The following NRCAM variants were observed in gnomAD, a reference collection of about 807,000 sequenced individuals.
The protein encoded by NRCAM is NgCAM-related cell adhesion molecule.
In NRCAM, 83 loss-of-function variants were observed where a neutral mutation model predicts 156.5. That is an observed-to-expected ratio of 0.53 (90% CI 0.44 to 0.64). The LOEUF is 0.64. Among genes scored for constraint, NRCAM ranks in the 30% least tolerant of loss-of-function variants. NRCAM has a pLI of 0.00. For missense variants in NRCAM, 1,417 were observed against 1,597.3 expected, an observed-to-expected ratio of 0.89 and a Z score of 1.92; for synonymous variants, 538 against 563.9, an observed-to-expected ratio of 0.95 and a Z score of 0.65.
At chr7:108,398,857 GCTT>G (rs2154391464) in intron 2 of NRCAM, among the ~76,000 whole-genome samples, 1 of 152,302 alleles carries the variant, frequency 6.6e-6, no homozygotes, top group South Asian at 2.1e-4. Flanking sequence ...TATCACCTTT[GCTT>G]CTTGAGAGCC....
At chr7:108,171,762 T>TA (rs1307337645) in intron 28 of NRCAM, among the ~76,000 whole-genome samples, 3 of 152,210 alleles carry the variant, frequency 2.0e-5, no homozygotes, top group Non-Finnish European at 2.9e-5. Context: ...GGGTTTGTCT[T>TA]ACTGTCTTTA....
Position 108,224,520 on chromosome 7 carries a change from C to A in NRCAM, c.779-684G>T, listed in dbSNP as rs563823787. Among the ~76,000 whole-genome samples, 70 of 152,190 alleles carry A rather than the reference C, an allele frequency of 4.6e-4. 1 individual carries two copies. In the South Asian group the frequency reaches 7.9e-3, roughly 17 times the overall value. ...TAGGGATAGTTACACAGGCCATCTT[C>A]TTTTTTATGGAGGCCTTTCCAAAAC... On this transcript the variant is annotated intron_variant, in intron 10 of 32. Coordinates refer to ENST00000379028, the MANE Select transcript of NRCAM (RefSeq NM_001037132.4).
chr7:108,194,754 A>C (rs933607214), intron 15 of NRCAM, among the ~76,000 whole-genome samples: 2 of 152,234 alleles, frequency 1.3e-5, no homozygotes, highest in Admixed American at 1.3e-4. Flanking sequence ...TTAACCCTGC[A>C]TATATTCTGA....
At chr7:108,214,568 G>A (rs956423263) in intron 11 of NRCAM, among the ~76,000 whole-genome samples, 3 of 152,020 alleles carry the variant, frequency 2.0e-5, no homozygotes, top group African/African-American at 7.2e-5. Context: ...TGGATTTATT[G>A]ATTTTTTGAA....
intron 1 of NRCAM, among the ~76,000 whole-genome samples, chr7:108,422,763 T>C (rs563217956): frequency 6.6e-6 from 1 of 152,322 alleles, no homozygotes; most frequent in East Asian, 1.9e-4. Flanking sequence ...AATATTTTCC[T>C]TTCTAAATAT....
intron 3 of NRCAM, among the ~76,000 whole-genome samples, chr7:108,251,732 CCT>C (rs2096362104): frequency 6.6e-6 from 1 of 152,204 alleles, no homozygotes; most frequent in Admixed American, 6.5e-5. Flanking sequence ...TGCCCAGTCC[CCT>C]CTCAGACAGG....
chr7:108,301,064 A>C (rs2098601363), intron 3 of NRCAM, among the ~76,000 whole-genome samples: 1 of 152,222 alleles, frequency 6.6e-6, no homozygotes, highest in South Asian at 2.1e-4. Flanking sequence ...GAAGACCATT[A>C]TGTAATACCA....
At chr7:108,163,144 T>C (rs2050375156) in intron 30 of NRCAM, among the ~76,000 whole-genome samples, 2 of 152,180 alleles carry the variant, frequency 1.3e-5, no homozygotes, top group South Asian at 2.1e-4. Context: ...AAGAGAATCT[T>C]CATTACTTGA....
At chr7:108,453,089 G>A (rs1192275437) in intron 1 of NRCAM, among the ~76,000 whole-genome samples, 1 of 152,188 alleles carries the variant, frequency 6.6e-6, no homozygotes, top group East Asian at 1.9e-4. Flanking sequence ...TCTTCCCAAG[G>A]ACAGATATTC....
intron 6 of NRCAM, among the ~76,000 whole-genome samples, chr7:108,233,632 A>C (rs1457512131): frequency 1.3e-5 from 2 of 152,174 alleles, no homozygotes; most frequent in Non-Finnish European, 2.9e-5. Flanking sequence ...CGAATATATT[A>C]TTTTGAGGCA....
intron 1 of NRCAM, among the ~76,000 whole-genome samples, chr7:108,430,350 G>A (rs1360008932): frequency 1.3e-5 from 2 of 152,140 alleles, no homozygotes; most frequent in Admixed American, 1.3e-4. Flanking sequence ...AGACCACAGT[G>A]GCTTGATCCG....
At chr7:108,413,494 A>T (rs1797893876) in intron 1 of NRCAM, among the ~76,000 whole-genome samples, 1 of 152,088 alleles carries the variant, frequency 6.6e-6, no homozygotes, top group Non-Finnish European at 1.5e-5. Context: ...CTCTTTATAA[A>T]TCCTTACCAC....
At chr7:108,158,916 A>T (rs1306014196) in intron 32 of NRCAM, among the ~76,000 whole-genome samples, 2 of 152,184 alleles carry the variant, frequency 1.3e-5, no homozygotes, top group East Asian at 3.8e-4. Context: ...GTATTATCAA[A>T]GTTCTGTGAG....
At chr7:108,264,167 A>AG (rs5886451) in intron 3 of NRCAM, among the ~76,000 whole-genome samples, 149,226 of 152,188 alleles carry the variant, frequency 0.98, 73,177 homozygotes, top group East Asian at 1. Flanking sequence ...TAGTAGAGAT[A>AG]GGTTTCACCA....
chr7:108,175,243 T>C, intron 28 of NRCAM, 79 bp downstream of exon 28: 1 of 1,145,738 alleles, frequency 8.7e-7, no homozygotes, highest in South Asian at 1.5e-5. Flanking sequence ...TTTTCTCTGT[T>C]TTACCCATGC....
Position 108,180,246 on chromosome 7 carries a change from C to G in NRCAM, c.2828G>C (p.Arg943Thr). ...ACCTCCTTCTGGAGTATTAAAGACT[C>G]TGTCAGGGCTGGCTGGGCCCTCCCC... ...GKGEGPASPD[R>T]VFNTPEGVPS... The change falls in exon 25 of 33, where the codon AGA (arginine) becomes ACA (threonine). Residue 943 changes from arginine (R) to threonine (T), a missense_variant. Physicochemically the swap from Arg to Thr is moderately conservative, Grantham distance 71. Transcript: ENST00000379028. The G allele has an allele frequency of 6.2e-7, 1 of 1,614,174 alleles. No homozygotes were observed. The highest frequency in any genetic ancestry group is 8.5e-7 in the Non-Finnish European group (1 of 1,180,012).
At chr7:108,151,128 G>C (rs569967258) in intron 32 of NRCAM, among the ~76,000 whole-genome samples, 2 of 152,190 alleles carry the variant, frequency 1.3e-5, no homozygotes, top group South Asian at 2.1e-4. Context: ...GGAAGACAAA[G>C]AGTAATCATT....
At chr7:108,351,123 C>G (rs13230316) in intron 2 of NRCAM, among the ~76,000 whole-genome samples, 44,273 of 152,040 alleles carry the variant, frequency 0.29, 6,845 homozygotes, top group East Asian at 0.56. Flanking sequence ...CCTTAAAGAG[C>G]TAATTATGTG....
At chr7:108,365,149 A>T (rs6948554) in intron 2 of NRCAM, among the ~76,000 whole-genome samples, 49,727 of 151,872 alleles carry the variant, frequency 0.33, 8,545 homozygotes, top group East Asian at 0.57. Context: ...ACATATATAT[A>T]TTTTTAGCAT....
Sources: allele counts gnomAD v4.1 joint callset (sites outside exome capture counted in the v4.1 genomes callset), GRCh38; gene constraint gnomAD v4.1.1; transcripts MANE v1.5; gene names NCBI Gene and HGNC (gene_info 2026-07-23, HGNC 2026-07-21).